Variants in KCNH2 observed in about 807,000 individuals in gnomAD.
The protein encoded by KCNH2 is voltage-gated inwardly rectifying potassium channel KCNH2.
A neutral mutation model predicts 95.9 loss-of-function variants in KCNH2; 35 were observed. That is an observed-to-expected ratio of 0.37 (90% CI 0.28 to 0.48). KCNH2 has a LOEUF of 0.48. Among genes scored for constraint, KCNH2 ranks in the 20% least tolerant of loss-of-function variants. The pLI, the probability that KCNH2 is intolerant of heterozygous loss-of-function variation, is 0.99. For synonymous variants in KCNH2, 786 were observed against 754.7 expected (o/e 1.04, Z -0.68); for missense variants, 1,274 against 1,702.9 (o/e 0.75, Z 4.43).
chr7:150,959,427 G>A lies in KCNH2; in HGVS notation c.472+145C>T, dbSNP rs1426406233. ...ACCAAGCCACATCCTCAGGGTACAGGGTTCACTTCCCACCTCCAAAGGGGG... is the reference window on the plus strand; with the variant it reads ...ACCAAGCCACATCCTCAGGGTACAGAGTTCACTTCCCACCTCCAAAGGGGG... On this transcript the variant is annotated intron_variant, in intron 3 of 14. Transcript: ENST00000262186. 5.7e-6 allele frequency: 5 copies of A among 881,578 alleles called. No homozygotes were observed. In the East Asian group the frequency reaches 1.3e-4, roughly 23 times the overall value. 54.6% of individuals were successfully genotyped at this position (881,578 alleles called of 1,614,324 possible).
At chr7:150,959,438 C>T (rs1801489695) in intron 3 of KCNH2, 134 bp downstream of exon 3, 2 of 1,027,338 alleles carry the variant, frequency 1.9e-6, no homozygotes, top group South Asian at 3.2e-5. Context: ...GTTCACTTCC[C>T]ACCTCCAAAG....
intron 7 of KCNH2, 124 bp downstream of exon 7, chr7:150,951,324 T>G: frequency 4.8e-6 from 6 of 1,248,402 alleles, no homozygotes; most frequent in Non-Finnish European, 6.8e-6. Flanking sequence ...CATGTCACGA[T>G]GGTGGCCCCT....
rs1060503993 is a variant in KCNH2 at position 150,948,871 on chromosome 7, G to T, written c.2577C>A (p.Thr859=). 6.2e-7 allele frequency: 1 copy of T among 1,614,198 alleles called. No homozygotes were observed. Among genetic ancestry groups the T allele is most frequent in the Non-Finnish European group, 8.5e-7 (1 of 1,180,036 alleles). ...SDHFWSSLEI[T]FNLRDTNMIP... ...GCCAACTCACATCTCGCAGGTTGAA[G>T]GTGATCTCCAGGCTGGACCAGAAGT... The change falls in exon 10 of 15, where the codon ACC becomes ACA. Residue 859 remains threonine (T), a synonymous_variant. Transcript: ENST00000262186.
chr7:150,945,480 G>A lies in KCNH2; in HGVS notation c.3365C>T (p.Pro1122Leu), dbSNP rs531460655. The change falls in exon 15 of 15, where the codon CCG becomes CTG. Residue 1122 changes from proline to leucine, a missense_variant. Pro to Leu is a moderately conservative substitution (Grantham distance 98). Around this residue, in one of 7 missense-constraint regions of KCNH2, gnomAD observed 457 missense variants for 416.1 expected, o/e 1.10. Transcript: ENST00000262186. The surrounding 1 kb of genome is among the most constrained non-coding windows in gnomAD (Gnocchi z 5.6). ...SQFMACEELP[P>L]GAPELPQEGP... The stretch of plus-strand genomic sequence containing the variant: ...TTCTTGGGGAAGCTCTGGGGCCCCC[G>A]GGGGCAGCTCCTCACACGCCATGAA... The A allele has an allele frequency of 4.7e-5, 73 of 1,558,702 alleles. 1 individual carries two copies. Among genetic ancestry groups the A allele is most frequent in the South Asian group, 2.5e-4 (21 of 84,650 alleles).
intron 9 of KCNH2, chr7:150,949,346 C>T: frequency 7.6e-7 from 1 of 1,321,694 alleles, no homozygotes; most frequent in Non-Finnish European, 9.7e-7. Context: ...CCAATCACTG[C>T]ACCCTTATAA....
chr7:150,974,638 C>G, intron 2 of KCNH2, 73 bp downstream of exon 2: 1 of 1,116,118 alleles, frequency 9.0e-7, no homozygotes, highest in Non-Finnish European at 1.3e-6. Flanking sequence ...CCCCCACGCA[C>G]CCTGCCCCTC....
Position 150,946,527 on chromosome 7 carries a change from C to T in KCNH2, c.3330+350G>A, listed in dbSNP as rs1171546213. ...GCTCAGTCAGTTCTTGGAGACCACC[C>T]GTGGCCGTGAGACAGGCACCACCGT... On this transcript the variant is annotated intron_variant, in intron 14 of 14. Coordinates refer to ENST00000262186, the MANE Select transcript of KCNH2 (RefSeq NM_000238.4). The surrounding 1 kb of genome is among the most constrained non-coding windows in gnomAD (Gnocchi z 6.5). 2.0e-5 allele frequency among the ~76,000 whole-genome samples: 3 copies of T among 152,188 alleles called. No individual in the cohort carries two copies. The highest frequency in any genetic ancestry group is 6.5e-5 in the Admixed American group (1 of 15,284).
chr7:150,959,454 AC>A (rs60930392), intron 3 of KCNH2, 117 bp downstream of exon 3: 12 of 1,259,686 alleles, frequency 9.5e-6, no homozygotes, highest in Admixed American at 2.0e-5. Flanking sequence ...CAAAGGGGGG[AC>A]CCCCCACCCA....
Position 150,962,627 on chromosome 7 carries a change from C to CAG in KCNH2, c.308-2893_308-2892dup, listed in dbSNP as rs41307331. 0.29 allele frequency among the ~76,000 whole-genome samples: 42,039 copies of CAG among 146,260 alleles called. 6,433 individuals carry two copies. Among genetic ancestry groups the CAG allele is most frequent in the East Asian group, 0.63 (3,117 of 4,940 alleles). ...CACACTTACACACACACACGAGAGACAGAGAGAGAGAGAGAGAGAGAGAGA... is the reference window on the plus strand; with the variant it reads ...CACACTTACACACACACACGAGAGACAGAGAGAGAGAGAGAGAGAGAGAGAGA... On this transcript the variant is annotated intron_variant, in intron 2 of 14. Transcript: ENST00000262186. This position sits in a 1 kb window ranked among gnomAD's most constrained non-coding sequence, Gnocchi z 5.7.
At chr7:150,974,097 C>T (rs942016043) in intron 2 of KCNH2, among the ~76,000 whole-genome samples, 1 of 152,158 alleles carries the variant, frequency 6.6e-6, no homozygotes, top group African/African-American at 2.4e-5. Flanking sequence ...AGACACCTGG[C>T]GCAGGAGAGG....
chr7:150,947,875 G>A lies in KCNH2; in HGVS notation c.2696C>T (p.Thr899Met), dbSNP rs1480554629. The change falls in exon 12 of 15, where the codon ACG (threonine) becomes ATG (methionine). Residue 899 changes from threonine (T) to methionine (M), a missense_variant. Around this residue, in one of 7 missense-constraint regions of KCNH2, gnomAD observed 457 missense variants for 416.1 expected, o/e 1.10. Transcript: ENST00000262186. ...GGCCGACACCTCCCCTGGCTGCTCC[G>A]TGTCTGTGGGAAACAGAGAATGGGC... ...LSFRRRTDKD[T>M]EQPGEVSALG... is the part of the protein sequence containing the mutation. 1.8e-5 allele frequency: 28 copies of A among 1,530,420 alleles called. No individual in the cohort carries two copies. Among genetic ancestry groups the A allele is most frequent in the East Asian group, 1.7e-4 (7 of 40,804 alleles). The allele number at this position is 1,530,420 out of a possible 1,614,324, so 94.8% of individuals were successfully genotyped here.
rs767322698 is a variant in KCNH2, at chr7:150,957,512, G to A, written c.917-10C>T. 4.4e-6 allele frequency: 7 copies of A among 1,592,462 alleles called. No individual in the cohort carries two copies. In the South Asian group the frequency reaches 5.6e-5, roughly 13 times the overall value. On this transcript the variant is annotated splice_polypyrimidine_tract_variant and intron_variant, in intron 4 of 14. Coordinates refer to ENST00000262186, the MANE Select transcript of KCNH2 (RefSeq NM_000238.4). Reference sequence around the variant, plus strand: ...AGTGGGTGCATGGCCCCTAGGTGGAGAGGCAGCGTGGTCAGGCCAGCAGCC... The same window carrying A: ...AGTGGGTGCATGGCCCCTAGGTGGAAAGGCAGCGTGGTCAGGCCAGCAGCC...
Position 150,974,914 on chromosome 7 carries a change from C to G in KCNH2, c.104G>C (p.Arg35Pro). 1.2e-6 allele frequency: 2 copies of G among 1,608,776 alleles called. No homozygotes were observed. Among genetic ancestry groups the G allele is most frequent in the Non-Finnish European group, 1.7e-6 (2 of 1,178,312 alleles). Residue 35 changes from arginine to proline, a missense_variant, in exon 2 of 15, where the codon CGG (arginine) becomes CCG (proline). Arg to Pro is a moderately radical substitution (Grantham distance 103). Transcript: ENST00000262186. ...QSRKFIIANARVENCAVIYCN... is the reference protein window; with the variant it reads ...QSRKFIIANAPVENCAVIYCN... ...GTAGATGACGGCGCAGTTCTCCACC[C>G]GAGCGTTGGCGATGATGAACTTACG... is the stretch of plus-strand genomic sequence containing the variant.
intron 7 of KCNH2, 29 bp from the exon 8 acceptor site, chr7:150,951,149 G>C (rs1440351556): frequency 1.3e-6 from 2 of 1,561,830 alleles, no homozygotes; most frequent in East Asian, 2.3e-5. Flanking sequence ...GGGGCCGTCA[G>C]CCTCTGCAGG....
At chr7:150,955,948 C>T (rs988443812) in intron 5 of KCNH2, 16 of 617,000 alleles carry the variant, frequency 2.6e-5, no homozygotes, top group Non-Finnish European at 3.3e-5. Flanking sequence ...GGCGCTCCCG[C>T]AGCCTGAGCC....
intron 2 of KCNH2, among the ~76,000 whole-genome samples, chr7:150,960,538 C>T (rs1261761044): frequency 6.6e-6 from 1 of 152,162 alleles, no homozygotes; most frequent in Non-Finnish European, 1.5e-5. Context: ...TAAGGACAGA[C>T]GTTGAGAGCA....
intron 2 of KCNH2, among the ~76,000 whole-genome samples, chr7:150,972,400 G>A (rs778498000): frequency 7.2e-5 from 11 of 152,214 alleles, no homozygotes; most frequent in Non-Finnish European, 1.5e-4. Flanking sequence ...ACGCACACAC[G>A]CAGCCCAAGC....
At chr7:150,973,294 A>C (rs937688604) in intron 2 of KCNH2, among the ~76,000 whole-genome samples, 2 of 152,234 alleles carry the variant, frequency 1.3e-5, no homozygotes, top group Admixed American at 1.3e-4. Flanking sequence ...GACAGACAGA[A>C]CAGAGCGCAC....
Position 150,947,726 on chromosome 7 carries a change from T to G in KCNH2, c.2845A>C (p.Ser949Arg). 1 of 1,567,984 alleles carries G rather than the reference T, an allele frequency of 6.4e-7. No homozygotes were observed. Among genetic ancestry groups the G allele is most frequent in the African/African-American group, 1.3e-5 (1 of 74,166 alleles). ...ESSEDEGPGRSSSPLRLVPFS... is the reference protein window; with the variant it reads ...ESSEDEGPGRRSSPLRLVPFS... ...GGCACCAGGCGGAGGGGGCTGGAGC[T>G]GCGGCCTGGGCCCTCATCCTCACTG... is the stretch of plus-strand genomic sequence containing the variant. The change falls in exon 12 of 15, where the codon AGC becomes CGC. Residue 949 changes from serine to arginine, a missense_variant. Physicochemically the swap from Ser to Arg is moderately radical, Grantham distance 110. Around this residue, in one of 7 missense-constraint regions of KCNH2, gnomAD observed 457 missense variants for 416.1 expected, o/e 1.10. Coordinates refer to ENST00000262186, the MANE Select transcript of KCNH2 (RefSeq NM_000238.4).
Sources: gnomAD v4.1 joint callset for allele counts (sites outside exome capture counted in the v4.1 genomes callset) on GRCh38, gnomAD v4.1.1 for gene constraint, gnomAD v4.1.1 regional missense constraint, Gnocchi (gnomAD v3.1) non-coding constraint, MANE v1.5 for transcripts, NCBI Gene and HGNC (gene_info 2026-07-23, HGNC 2026-07-21) for gene names.